Variants in DPY19L3 observed in about 807,000 individuals in gnomAD.
DPY19L3 encodes the protein dpy-19 like C-mannosyltransferase 3, also known as protein C-mannosyl-transferase DPY19L3.
DPY19L3 carries 51 observed loss-of-function variants against 92.3 expected under a neutral mutation model. That is an observed-to-expected ratio of 0.55 (90% CI 0.44 to 0.70). The LOEUF is 0.70. DPY19L3 is among the 30% of genes least tolerant of loss of function. DPY19L3 has a pLI of 0.00. For missense variants in DPY19L3, 706 were observed against 855.9 expected (o/e 0.82, Z 2.18); for synonymous variants, 309 against 315.2 (o/e 0.98, Z 0.21).
intron 8 of DPY19L3, among the ~76,000 whole-genome samples, chr19:32,447,192 CAATGAA>C (rs1969528354): frequency 2.0e-5 from 3 of 152,028 alleles, no homozygotes; most frequent in Admixed American, 2.0e-4. Flanking sequence ...GCATTGAACT[CAATGAA>C]AATGAAAGTG....
chr19:32,480,722 T>G, intron 18 of DPY19L3, 165 bp downstream of exon 18: 1 of 978,842 alleles, frequency 1.0e-6, no homozygotes, highest in South Asian at 1.7e-5. Flanking sequence ...CTCTTGGCAC[T>G]TTAGTGACTG....
intron 12 of DPY19L3, among the ~76,000 whole-genome samples, chr19:32,460,419 A>G (rs1970000805): frequency 6.6e-6 from 1 of 152,116 alleles, no homozygotes; most frequent in African/African-American, 2.4e-5. Context: ...TCTATTTTTA[A>G]AAAATACTGT....
intron 8 of DPY19L3, among the ~76,000 whole-genome samples, chr19:32,447,836 A>AG (rs1969565191): frequency 5.1e-5 from 7 of 138,404 alleles, no homozygotes; most frequent in East Asian, 3.9e-4. Context: ...AGATAGATAG[A>AG]TAGATAGATA....
Position 32,484,714 on chromosome 19 carries a change from C to G in DPY19L3, c.*2474C>G, listed in dbSNP as rs1353655184. Reference sequence around the variant, plus strand: ...CGGCTCCCTCCCTGGAGTTGTGCACCCGTCCCAAACTCCTCCATGCAAGTT... The same window carrying G: ...CGGCTCCCTCCCTGGAGTTGTGCACGCGTCCCAAACTCCTCCATGCAAGTT... On this transcript the variant is annotated 3_prime_UTR_variant, in exon 19 of 19. Transcript: ENST00000392250. 3 of 152,124 alleles carry G rather than the reference C, an allele frequency of 2.0e-5. No homozygotes were observed. Among genetic ancestry groups the G allele is most frequent in the African/African-American group, 7.2e-5 (3 of 41,414 alleles). 9.4% of individuals were successfully genotyped at this position (152,124 alleles called of 1,614,324 possible). A position where few individuals can be genotyped will look rare whatever the true frequency, so the allele number is the denominator to read the frequency against.
chr19:32,426,537 G>T (rs1019074511), intron 3 of DPY19L3, among the ~76,000 whole-genome samples: 13 of 152,082 alleles, frequency 8.5e-5, no homozygotes, highest in Admixed American at 6.6e-5. Context: ...TCCTTTCGAC[G>T]CTTAGAGGCT....
chr19:32,460,897 T>G (rs1316544683), intron 12 of DPY19L3, among the ~76,000 whole-genome samples: 2 of 113,916 alleles, frequency 1.8e-5, no homozygotes, highest in Middle Eastern at 4.3e-3. Context: ...GAAATGCATC[T>G]CGCTCTTGCC....
intron 3 of DPY19L3, among the ~76,000 whole-genome samples, chr19:32,421,999 A>G (rs947286258): frequency 6.6e-6 from 1 of 152,168 alleles, no homozygotes; most frequent in African/African-American, 2.4e-5. Flanking sequence ...AAACCACCCT[A>G]TACAATGAAA....
At chr19:32,440,851 A>G (rs1969299646) in intron 8 of DPY19L3, among the ~76,000 whole-genome samples, 1 of 152,182 alleles carries the variant, frequency 6.6e-6, no homozygotes, top group Non-Finnish European at 1.5e-5. Flanking sequence ...ATTTTTAGGC[A>G]GAGAAGTGTT....
At chr19:32,455,482 T>G (rs551353073) in intron 10 of DPY19L3, among the ~76,000 whole-genome samples, 1 of 152,288 alleles carries the variant, frequency 6.6e-6, no homozygotes, top group African/African-American at 2.4e-5. Context: ...TTAAAAAGCA[T>G]TAAACAAATA....
chr19:32,433,217 C>G (rs1200419432), intron 4 of DPY19L3, among the ~76,000 whole-genome samples: 1 of 152,108 alleles, frequency 6.6e-6, no homozygotes, highest in East Asian at 1.9e-4. Context: ...TTGCCATTTT[C>G]CTGCATTTTT....
At chr19:32,438,449 T>G (rs1435880546) in intron 6 of DPY19L3, among the ~76,000 whole-genome samples, 1 of 152,166 alleles carries the variant, frequency 6.6e-6, no homozygotes, top group Non-Finnish European at 1.5e-5. Flanking sequence ...TTCTTTTATA[T>G]AGAGATATAT....
chr19:32,417,525 T>C (rs1201903833), intron 3 of DPY19L3, among the ~76,000 whole-genome samples: 1 of 152,172 alleles, frequency 6.6e-6, no homozygotes, highest in Non-Finnish European at 1.5e-5. Context: ...TTCACCATGT[T>C]GGTCAGGCTG....
chr19:32,483,254 T>C lies in DPY19L3; in HGVS notation c.*1014T>C, dbSNP rs1039927266. On this transcript the variant is annotated 3_prime_UTR_variant, in exon 19 of 19. Coordinates refer to ENST00000392250, the MANE Select transcript of DPY19L3 (RefSeq NM_001172774.2). Reference sequence around the variant, plus strand: ...GCATTTTCATACCAAGTTTGACTTGTGGTCTCCAATCTTACTGGGAAGGCC... The same window carrying C: ...GCATTTTCATACCAAGTTTGACTTGCGGTCTCCAATCTTACTGGGAAGGCC... 2.0e-5 allele frequency: 3 copies of C among 152,552 alleles called. No homozygotes were observed. The East Asian group carries it at 5.8e-4, about 29-fold the overall frequency. 9.4% of individuals were successfully genotyped at this position (152,552 alleles called of 1,614,324 possible). A position where few individuals can be genotyped will look rare whatever the true frequency, so the allele number is the denominator to read the frequency against.
intron 3 of DPY19L3, among the ~76,000 whole-genome samples, chr19:32,421,232 C>T (rs34692122): frequency 0.014 from 2,170 of 152,290 alleles, 24 homozygotes; most frequent in Non-Finnish European, 0.021. Context: ...GGTATCAGTT[C>T]CTTCTTTCTT....
At chr19:32,467,046 T>C (rs569420448) in intron 15 of DPY19L3, among the ~76,000 whole-genome samples, 4 of 152,322 alleles carry the variant, frequency 2.6e-5, no homozygotes, top group African/African-American at 7.2e-5. Flanking sequence ...GCTGTATTTC[T>C]CTTTAGTATA....
At chr19:32,457,359 C>CAAAT (rs1969898823) in intron 10 of DPY19L3, among the ~76,000 whole-genome samples, 1 of 152,166 alleles carries the variant, frequency 6.6e-6, no homozygotes, top group Non-Finnish European at 1.5e-5. Flanking sequence ...CCGTGAGTAA[C>CAAAT]ATAAATATGT....
rs142108321 is a variant in DPY19L3 at position 32,477,866 on chromosome 19, G to A, written c.1830+212G>A. Among the ~76,000 whole-genome samples, 855 of 152,262 alleles carry A rather than the reference G, an allele frequency of 5.6e-3. 12 individuals are homozygous for A. Among genetic ancestry groups the A allele is most frequent in the African/African-American group, 0.019 (786 of 41,544 alleles). ...TTTAATTGACTTACAGTTCCACATG[G>A]CTGGGGAGGCCTCACAATCATGGCA... On this transcript the variant is annotated intron_variant, in intron 17 of 18. Coordinates refer to ENST00000392250, the MANE Select transcript of DPY19L3 (RefSeq NM_001172774.2).
At position 32,439,124 on chromosome 19, in the gene DPY19L3, A is replaced by G. The variant is rs772437716; in HGVS notation, c.609A>G (p.Thr203=). The stretch of plus-strand genomic sequence containing the variant: ...TTCTTTTGTGCAGAATAGATACCAC[A>G]AGAGTTGAGTTTACCATCCCACTGA... ...FWYVTNRIDT[T]RVEFTIPLRE... Residue 203 remains threonine, a synonymous_variant, in exon 7 of 19, where the codon ACA becomes ACG. Coordinates refer to ENST00000392250, the MANE Select transcript of DPY19L3 (RefSeq NM_001172774.2). 2.5e-6 allele frequency: 4 copies of G among 1,612,942 alleles called. No individual in the cohort carries two copies. In the South Asian group the frequency reaches 4.4e-5, roughly 18 times the overall value.
chr19:32,462,564 C>T (rs890026771), intron 12 of DPY19L3, among the ~76,000 whole-genome samples: 3 of 152,098 alleles, frequency 2.0e-5, no homozygotes, highest in Non-Finnish European at 4.4e-5. Context: ...TACAAGTTTA[C>T]AAGAAGCATG....
Sources: allele counts gnomAD v4.1 joint callset (sites outside exome capture counted in the v4.1 genomes callset), GRCh38; gene constraint gnomAD v4.1.1; transcripts MANE v1.5; gene names NCBI Gene and HGNC (gene_info 2026-07-23, HGNC 2026-07-21).